Variants in EXOC6B observed in about 807,000 individuals in gnomAD.
The protein encoded by EXOC6B is SEC15 homolog B.
A neutral mutation model predicts 113.5 loss-of-function variants in EXOC6B; 54 were observed. The observed-to-expected ratio is 0.48, with a 90% CI of 0.38 to 0.60. The LOEUF (loss-of-function observed/expected upper bound fraction) is 0.60. Among genes scored for constraint, EXOC6B ranks in the 20% least tolerant of loss-of-function variants. The pLI, the probability that EXOC6B is intolerant of heterozygous loss-of-function variation, is 0.00. For missense variants in EXOC6B, 797 were observed against 977.5 expected (o/e 0.82, Z 2.46); for synonymous variants, 357 against 339.0 (o/e 1.05, Z -0.58).
chr2:72,333,722 C>T (rs1301690634), intron 20 of EXOC6B, among the ~76,000 whole-genome samples: 1 of 152,070 alleles, frequency 6.6e-6, no homozygotes, highest in Non-Finnish European at 1.5e-5. Flanking sequence ...ATTAAGTTGA[C>T]ACACGTTTCT....
rs559401197 is a variant in EXOC6B at position 72,273,782 on chromosome 2, C to A, written c.2196+61165G>T. ...TAGGACCTTCCTTGGAGGTGATAGA[C>A]CTTGAAGAGTTTTAAGCAGAGGAAT... On this transcript the variant is annotated intron_variant, in intron 20 of 21. Transcript: ENST00000272427. Among the ~76,000 whole-genome samples, 20 of 152,088 alleles carry A rather than the reference C, an allele frequency of 1.3e-4. No homozygotes were observed. In the East Asian group the frequency reaches 3.7e-3, roughly 28 times the overall value.
chr2:72,565,650 T>A (rs2103748615), intron 7 of EXOC6B, among the ~76,000 whole-genome samples: 2 of 151,662 alleles, frequency 1.3e-5, no homozygotes, highest in South Asian at 2.1e-4. Context: ...ACATAAGCAG[T>A]TTATGAAAAA....
intron 1 of EXOC6B, among the ~76,000 whole-genome samples, chr2:72,822,466 A>C (rs1158908264): frequency 6.6e-6 from 1 of 152,200 alleles, no homozygotes; most frequent in African/African-American, 2.4e-5. Context: ...CCAACATTGC[A>C]TGTACAGCTC....
At chr2:72,751,805 A>T (rs527567111) in intron 1 of EXOC6B, among the ~76,000 whole-genome samples, 1 of 152,144 alleles carries the variant, frequency 6.6e-6, no homozygotes, top group Non-Finnish European at 1.5e-5. Flanking sequence ...AGAGGCAGGT[A>T]AAATTTTTTT....
At chr2:72,404,948 T>TAAAAACCTTG (rs1346640597) in intron 18 of EXOC6B, among the ~76,000 whole-genome samples, 1 of 151,776 alleles carries the variant, frequency 6.6e-6, no homozygotes, top group Non-Finnish European at 1.5e-5. Flanking sequence ...GCAAAGAAGT[T>TAAAAACCTTG]AAAAACCTTG....
rs190065699 is a variant in EXOC6B at position 72,213,549 on chromosome 2, T to C, written c.2197-29362A>G. 5.5e-4 allele frequency among the ~76,000 whole-genome samples: 83 copies of C among 152,280 alleles called. 2 individuals carry two copies. Among genetic ancestry groups the C allele is most frequent in the Admixed American group, 3.6e-3 (55 of 15,300 alleles). On this transcript the variant is annotated intron_variant, in intron 20 of 21. Coordinates refer to ENST00000272427, the MANE Select transcript of EXOC6B (RefSeq NM_015189.3). ...GAGAAAATGGAGGAATGAATTGCCT[T>C]AGAATCTCTACAGTGACTCTTGTTA...
intron 20 of EXOC6B, among the ~76,000 whole-genome samples, chr2:72,215,383 T>C (rs1401795210): frequency 6.6e-6 from 1 of 152,162 alleles, no homozygotes; most frequent in Non-Finnish European, 1.5e-5. Context: ...ATCTTCTCCT[T>C]CACATTATCT....
Position 72,559,481 on chromosome 2 carries a change from T to A in EXOC6B, c.887A>T (p.Tyr296Phe). 1 of 1,612,904 alleles carries A rather than the reference T, an allele frequency of 6.2e-7. No homozygotes were observed. Among genetic ancestry groups the A allele is most frequent in the Non-Finnish European group, 8.5e-7 (1 of 1,179,478 alleles). ...GACAGAATATATATGTAGACATCGA[T>A]AAACTGGAGAGAAATCCACCAAATC... ...AQDLVDFSPVYRCLHIYSVLG... is the reference protein window; with the variant it reads ...AQDLVDFSPVFRCLHIYSVLG... Residue 296 changes from tyrosine to phenylalanine, a missense_variant, in exon 8 of 22, where the codon TAT becomes TTT. By Grantham distance (22) the Tyr-to-Phe change is conservative. Transcript: ENST00000272427.
intron 19 of EXOC6B, among the ~76,000 whole-genome samples, chr2:72,352,714 AAGTT>A (rs989260719): frequency 4.7e-5 from 7 of 149,542 alleles, no homozygotes; most frequent in African/African-American, 1.0e-4. Flanking sequence ...AAAAAGATAA[AAGTT>A]AGGACTGTAA....
intron 7 of EXOC6B, among the ~76,000 whole-genome samples, chr2:72,562,766 A>T (rs1221089275): frequency 1.3e-5 from 2 of 152,196 alleles, no homozygotes; most frequent in Admixed American, 6.5e-5. Context: ...ACATGATTAG[A>T]ATAGTTAAAC....
intron 8 of EXOC6B, among the ~76,000 whole-genome samples, chr2:72,518,492 GT>G (rs1701325998): frequency 6.6e-6 from 1 of 151,268 alleles, no homozygotes; most frequent in Non-Finnish European, 1.5e-5. Context: ...GGGTGTGTGT[GT>G]GTGTGTGTGT....
chr2:72,305,940 T>A (rs1397740392), intron 20 of EXOC6B, among the ~76,000 whole-genome samples: 9 of 152,296 alleles, frequency 5.9e-5, no homozygotes, highest in African/African-American at 2.2e-4. Context: ...TGATTTTGTT[T>A]ACATAATACA....
intron 18 of EXOC6B, among the ~76,000 whole-genome samples, chr2:72,396,761 T>C (rs1290665648): frequency 6.6e-6 from 1 of 152,074 alleles, no homozygotes; most frequent in Non-Finnish European, 1.5e-5. Context: ...CTTTCCTATG[T>C]AAACATGTAG....
intron 1 of EXOC6B, among the ~76,000 whole-genome samples, chr2:72,794,094 T>C (rs554773987): frequency 6.6e-6 from 1 of 152,340 alleles, no homozygotes; most frequent in African/African-American, 2.4e-5. Context: ...TGTTTTTCAG[T>C]ACACTCACAT....
At chr2:72,328,666 G>A (rs1037771692) in intron 20 of EXOC6B, among the ~76,000 whole-genome samples, 7 of 152,098 alleles carry the variant, frequency 4.6e-5, no homozygotes, top group African/African-American at 1.7e-4. Flanking sequence ...AATATGGTCT[G>A]CAGGACATGC....
intron 19 of EXOC6B, 53 bp downstream of exon 19, chr2:72,379,676 A>C: frequency 6.5e-7 from 1 of 1,539,234 alleles, no homozygotes; most frequent in Non-Finnish European, 8.8e-7. Context: ...TTCCCCTGAC[A>C]GAAATGAGTT....
chr2:72,396,496 G>T (rs546888505), intron 18 of EXOC6B, among the ~76,000 whole-genome samples: 156 of 152,194 alleles, frequency 1.0e-3, no homozygotes, highest in African/African-American at 3.7e-3. Context: ...AGAAAAAGAA[G>T]AGAAGCCACA....
intron 2 of EXOC6B, among the ~76,000 whole-genome samples, chr2:72,736,147 T>C (rs1680939602): frequency 1.3e-5 from 2 of 150,746 alleles, no homozygotes; most frequent in Admixed American, 1.3e-4. Context: ...ATCACACCAC[T>C]GCACTCCAGA....
intron 5 of EXOC6B, among the ~76,000 whole-genome samples, chr2:72,719,653 T>C (rs759557127): frequency 6.6e-6 from 1 of 152,240 alleles, no homozygotes; most frequent in Non-Finnish European, 1.5e-5. Context: ...TCACTCAAGT[T>C]TGTTTGAGCA....
Sources: allele counts gnomAD v4.1 joint callset (sites outside exome capture counted in the v4.1 genomes callset), GRCh38; gene constraint gnomAD v4.1.1; transcripts MANE v1.5; gene names NCBI Gene and HGNC (gene_info 2026-07-23, HGNC 2026-07-21).